ABHD12B: variants seen among roughly 807,000 people sequenced by gnomAD.
ABHD12B encodes the protein abhydrolase domain containing 12B, also known as protein ABHD12B.
ABHD12B carries 42 observed loss-of-function variants against 50.4 expected under a neutral mutation model. The ratio of observed to expected loss-of-function variants is 0.83; its 90% confidence interval spans 0.65 to 1.08. The LOEUF (loss-of-function observed/expected upper bound fraction) is 1.08. Ranked by LOEUF, ABHD12B falls within the 50% of genes least tolerant of loss-of-function variation. The pLI is 0.00. For missense variants in ABHD12B, 479 were observed against 447.7 expected, an observed-to-expected ratio of 1.07 and a Z score of -0.63; for synonymous variants, 167 against 160.3, an observed-to-expected ratio of 1.04 and a Z score of -0.32.
chr14:50,878,471 G>A (rs1297375945), intron 2 of ABHD12B, among the ~76,000 whole-genome samples: 2 of 152,188 alleles, frequency 1.3e-5, no homozygotes, highest in African/African-American at 4.8e-5. Flanking sequence ...CTTTTAAAAA[G>A]CTGGAGACAA....
At chr14:50,889,678 T>C (rs2142749910) in intron 9 of ABHD12B, among the ~76,000 whole-genome samples, 1 of 152,286 alleles carries the variant, frequency 6.6e-6, no homozygotes, top group South Asian at 2.1e-4. Context: ...TATCCTAACT[T>C]TATAATCTTA....
chr14:50,887,506 C>T (rs2050059630), intron 8 of ABHD12B, among the ~76,000 whole-genome samples: 1 of 152,026 alleles, frequency 6.6e-6, no homozygotes, highest in Admixed American at 6.6e-5. Context: ...ACCCTAATGC[C>T]ATACAATTTA....
chr14:50,900,096 G>T (rs968464778), intron 9 of ABHD12B, among the ~76,000 whole-genome samples: 4 of 151,930 alleles, frequency 2.6e-5, no homozygotes, highest in African/African-American at 9.7e-5. Context: ...GTTGGGTGTG[G>T]TGGCACACCC....
At chr14:50,883,763 C>G (rs1566486790) in intron 5 of ABHD12B, among the ~76,000 whole-genome samples, 1 of 152,240 alleles carries the variant, frequency 6.6e-6, no homozygotes, top group East Asian at 1.9e-4. Context: ...CATCATTGCC[C>G]AACAGGACCA....
chr14:50,888,903 G>A lies in ABHD12B; in HGVS notation c.780G>A (p.Lys260=). 3 of 1,613,704 alleles carry A rather than the reference G, an allele frequency of 1.9e-6. No individual in the cohort carries two copies. The highest frequency in any genetic ancestry group is 2.5e-6 in the Non-Finnish European group (3 of 1,179,762). ...CAAGTATCAATTATCCCTTGTTAAAGGTGAGACTCTGATTCATCTTTACAA... is the reference window on the plus strand; with the variant it reads ...CAAGTATCAATTATCCCTTGTTAAAAGTGAGACTCTGATTCATCTTTACAA... The part of the protein sequence containing the change: ...WVASINYPLL[K]IYRNIPGFLR... Residue 260 remains lysine (K), a splice_region_variant and synonymous_variant, in exon 9 of 13, where the codon AAG becomes AAA. Coordinates refer to ENST00000337334, the MANE Select transcript of ABHD12B (RefSeq NM_001206673.2).
In ABHD12B at chr14:50,895,410, G is replaced by A. The variant is rs796222509; in HGVS notation, c.781-6419G>A. 3.4e-4 allele frequency among the ~76,000 whole-genome samples: 52 copies of A among 151,914 alleles called. 1 individual carries two copies. The highest frequency in any genetic ancestry group is 9.7e-4 in the East Asian group (5 of 5,174). On this transcript the variant is annotated intron_variant, in intron 9 of 12. Transcript: ENST00000337334. ...AACGCCTGAACCGCAGCAGCCAGGC[G>A]TTCCTCCAGAACCTCCTCCCACAGG... is the stretch of plus-strand genomic sequence containing the variant.
chr14:50,890,595 C>G (rs942001758), intron 9 of ABHD12B, among the ~76,000 whole-genome samples: 14 of 152,044 alleles, frequency 9.2e-5, no homozygotes, highest in African/African-American at 3.1e-4. Flanking sequence ...TTTCACCCAA[C>G]ATTATATTTG....
chr14:50,892,011 G>A (rs955170733), intron 9 of ABHD12B: 6 of 152,012 alleles, frequency 3.9e-5, no homozygotes, highest in South Asian at 4.1e-4. Context: ...TATTCTTAAC[G>A]CTTTGCATTT....
Position 50,904,176 on chromosome 14 carries a change from C to G in ABHD12B, c.1045C>G (p.Leu349Val), listed in dbSNP as rs926387996. Residue 349 changes from leucine to valine, a missense_variant, in exon 12 of 13, where the codon CTG (leucine) becomes GTG (valine). By Grantham distance (32) the Leu-to-Val change is conservative (BLOSUM62 1). Transcript: ENST00000337334. ...QHNLLCKSPT[L>V]LITVRDFLSK... ...CAACCTGCTTTGTAAAAGCCCCACA[C>G]TGTTAATAACCGTGAGGTAAGAGTT... The G allele has an allele frequency of 6.2e-7, 1 of 1,614,138 alleles. No homozygotes were observed. The highest frequency in any genetic ancestry group is 8.5e-7 in the Non-Finnish European group (1 of 1,179,968).
At position 50,904,863 on chromosome 14, in the gene ABHD12B, A is replaced by G. The variant is rs2050311195; in HGVS notation, c.*497A>G. 1 of 227,218 alleles carries G rather than the reference A, an allele frequency of 4.4e-6. No individual in the cohort carries two copies. Among genetic ancestry groups the G allele is most frequent in the South Asian group, 6.6e-5 (1 of 15,106 alleles). 14.1% of individuals were successfully genotyped at this position (227,218 alleles called of 1,614,324 possible). A position where few individuals can be genotyped will look rare whatever the true frequency, so the allele number is the denominator to read the frequency against. On this transcript the variant is annotated 3_prime_UTR_variant, in exon 13 of 13. Coordinates refer to ENST00000337334, the MANE Select transcript of ABHD12B (RefSeq NM_001206673.2). ...AGGATACAGTGAGAAGCCTTCATCT[A>G]TGAACCACAAAGTAGCCCTCATCAG...
intron 9 of ABHD12B, chr14:50,892,638 T>C (rs2050135086): frequency 2.1e-6 from 2 of 963,996 alleles, no homozygotes; most frequent in Non-Finnish European, 1.2e-6. Context: ...GGTTTCTATA[T>C]TTTTAATTTC....
intron 5 of ABHD12B, among the ~76,000 whole-genome samples, chr14:50,883,667 T>C (rs958492473): frequency 6.6e-6 from 1 of 152,244 alleles, no homozygotes; most frequent in Admixed American, 6.5e-5. Flanking sequence ...GTGATCCTTG[T>C]GGTAGTTAGG....
chr14:50,886,133 G>A (rs1305384777), intron 7 of ABHD12B, among the ~76,000 whole-genome samples: 1 of 152,116 alleles, frequency 6.6e-6, no homozygotes, highest in Non-Finnish European at 1.5e-5. Flanking sequence ...GTCTTTCTGA[G>A]GGTTTTAAAG....
intron 9 of ABHD12B, among the ~76,000 whole-genome samples, chr14:50,896,750 A>C (rs1336338859): frequency 6.6e-6 from 1 of 152,062 alleles, no homozygotes; most frequent in Non-Finnish European, 1.5e-5. Flanking sequence ...AAATCCTATA[A>C]AACGGCCCCA....
chr14:50,874,368 A>C lies in ABHD12B; in HGVS notation c.104+2090A>C, dbSNP rs146908938. Among the ~76,000 whole-genome samples, 981 of 152,272 alleles carry C rather than the reference A, an allele frequency of 6.4e-3. 17 individuals are homozygous for C. Among genetic ancestry groups the C allele is most frequent in the African/African-American group, 0.023 (942 of 41,558 alleles). On this transcript the variant is annotated intron_variant, in intron 1 of 12. Coordinates refer to ENST00000337334, the MANE Select transcript of ABHD12B (RefSeq NM_001206673.2). ...GTAATCCCAGCACTTTGGGAAGCCA[A>C]GGCGGGCAGATCATGAGGTCAGGAG... is the stretch of plus-strand genomic sequence containing the variant.
In ABHD12B at chr14:50,872,138, C is replaced by A; in HGVS notation, c.-37C>A. 2.4e-6 allele frequency: 3 copies of A among 1,256,538 alleles called. No homozygotes were observed. The highest frequency in any genetic ancestry group is 2.0e-6 in the Non-Finnish European group (2 of 998,526). 77.8% of individuals were successfully genotyped at this position (1,256,538 alleles called of 1,614,324 possible). A position where few individuals can be genotyped will look rare whatever the true frequency, so the allele number is the denominator to read the frequency against. Reference sequence around the variant, plus strand: ...CGGGCGGCTGCTCCGGACTGCAGCTCCCGCGGCGGTGGCGGCGTATCGGGA... The same window carrying A: ...CGGGCGGCTGCTCCGGACTGCAGCTACCGCGGCGGTGGCGGCGTATCGGGA... On this transcript the variant is annotated 5_prime_UTR_variant, in exon 1 of 13. Coordinates refer to ENST00000337334, the MANE Select transcript of ABHD12B (RefSeq NM_001206673.2).
chr14:50,898,749 A>G (rs1420964137), intron 9 of ABHD12B, among the ~76,000 whole-genome samples: 1 of 152,234 alleles, frequency 6.6e-6, no homozygotes, highest in East Asian at 1.9e-4. Context: ...AAAAGAGAAA[A>G]CAAAACAAGA....
chr14:50,894,145 G>A (rs533958680), intron 9 of ABHD12B, among the ~76,000 whole-genome samples: 1 of 151,342 alleles, frequency 6.6e-6, no homozygotes, highest in South Asian at 2.1e-4. Context: ...GCTCTTCTGG[G>A]GGAGGGGCAA....
intron 3 of ABHD12B, among the ~76,000 whole-genome samples, chr14:50,879,887 A>AT (rs1488968390): frequency 1.3e-5 from 2 of 152,148 alleles, no homozygotes; most frequent in Non-Finnish European, 2.9e-5. Context: ...AGTTCTCCAC[A>AT]TCCCATGGTG....
Sources: allele counts gnomAD v4.1 joint callset (sites outside exome capture counted in the v4.1 genomes callset), GRCh38; gene constraint gnomAD v4.1.1; transcripts MANE v1.5; gene names NCBI Gene and HGNC (gene_info 2026-07-23, HGNC 2026-07-21).